The following NCKAP5 variants were observed in gnomAD, a reference collection of about 807,000 sequenced individuals.
NCKAP5 encodes nck-associated protein 5.
NCKAP5 carries 92 observed loss-of-function variants against 167.0 expected under a neutral mutation model. That is an observed-to-expected ratio of 0.55 (90% CI 0.47 to 0.66). NCKAP5 has a LOEUF of 0.66. Ranked by LOEUF, NCKAP5 falls within the 30% of genes least tolerant of loss-of-function variation. The pLI is 0.00. For synonymous variants in NCKAP5, 891 were observed against 877.4 expected (o/e 1.02, Z -0.27); for missense variants, 2,378 against 2,315.0 (o/e 1.03, Z -0.56).
At chr2:133,013,920 A>G (rs1265860138) in intron 6 of NCKAP5, among the ~76,000 whole-genome samples, 3 of 152,070 alleles carry the variant, frequency 2.0e-5, no homozygotes, top group African/African-American at 7.2e-5. Context: ...TCTCTTTCCC[A>G]TCAAAATCCC....
intron 8 of NCKAP5, among the ~76,000 whole-genome samples, chr2:132,895,839 A>C (rs1025358243): frequency 6.6e-6 from 1 of 151,250 alleles, no homozygotes; most frequent in Non-Finnish European, 1.5e-5. Context: ...AAAAACAAAA[A>C]AAAAAACACA....
At chr2:133,257,921 C>T (rs1362522645) in intron 4 of NCKAP5, among the ~76,000 whole-genome samples, 1 of 152,164 alleles carries the variant, frequency 6.6e-6, no homozygotes, top group Non-Finnish European at 1.5e-5. Context: ...ACGCAAAGAA[C>T]CAGATTCCCA....
At chr2:133,526,257 G>A (rs1339331691) in intron 2 of NCKAP5, among the ~76,000 whole-genome samples, 15 of 41,460 alleles carry the variant, frequency 3.6e-4, no homozygotes, top group African/African-American at 1.3e-3. Context: ...AGGAGGGAGG[G>A]AGGGAAGGAG....
intron 19 of NCKAP5, among the ~76,000 whole-genome samples, chr2:132,675,576 C>T (rs1684332302): frequency 6.6e-6 from 1 of 152,082 alleles, no homozygotes; most frequent in Non-Finnish European, 1.5e-5. Context: ...CAGTTTTTAA[C>T]AAGATTACCA....
upstream of NCKAP5, among the ~76,000 whole-genome samples, chr2:133,570,587 C>T (rs1188558385): frequency 6.6e-6 from 1 of 152,200 alleles, no homozygotes; most frequent in Non-Finnish European, 1.5e-5. Context: ...CTCTTAGACT[C>T]TGTCCACCTT....
At chr2:133,200,819 C>T (rs76406128) in intron 5 of NCKAP5, among the ~76,000 whole-genome samples, 128 of 152,166 alleles carry the variant, frequency 8.4e-4, no homozygotes, top group African/African-American at 2.8e-3. Flanking sequence ...TCAAAAGGAA[C>T]GTGGATAAAC....
chr2:132,859,905 A>G (rs1239445923), intron 11 of NCKAP5, among the ~76,000 whole-genome samples: 1 of 152,144 alleles, frequency 6.6e-6, no homozygotes, highest in Non-Finnish European at 1.5e-5. Flanking sequence ...CTTCAAATCG[A>G]CTCAAATGGC....
intron 19 of NCKAP5, among the ~76,000 whole-genome samples, chr2:132,685,369 G>A (rs1046695565): frequency 6.6e-6 from 1 of 152,176 alleles, no homozygotes; most frequent in Non-Finnish European, 1.5e-5. Flanking sequence ...AAACAGAGTG[G>A]CACATGTGTT....
intron 10 of NCKAP5, among the ~76,000 whole-genome samples, chr2:132,863,851 C>T (rs918245168): frequency 2.6e-5 from 4 of 152,164 alleles, no homozygotes; most frequent in Non-Finnish European, 5.9e-5. Flanking sequence ...CAAAAACACC[C>T]ATGTGCCCAT....
chr2:133,092,615 T>C (rs566789910), intron 6 of NCKAP5, among the ~76,000 whole-genome samples: 1 of 152,186 alleles, frequency 6.6e-6, no homozygotes, highest in Non-Finnish European at 1.5e-5. Context: ...CATTTCATTT[T>C]AACATTGATG....
Position 132,784,703 on chromosome 2 carries a change from G to A in NCKAP5, c.2108C>T (p.Ala703Val). 6.2e-7 allele frequency: 1 copy of A among 1,614,032 alleles called. No homozygotes were observed. The highest frequency in any genetic ancestry group is 8.5e-7 in the Non-Finnish European group (1 of 1,179,892). ...RNEISINSTPAGPKAEHTELL... is the reference protein window; with the variant it reads ...RNEISINSTPVGPKAEHTELL... ...CTCAGTATGTTCTGCCTTGGGTCCA[G>A]CAGGAGTTGAATTGATGGAAATCTC... is the stretch of plus-strand genomic sequence containing the variant. The change falls in exon 14 of 20, where the codon GCT (alanine) becomes GTT (valine). Residue 703 changes from alanine (A) to valine (V), a missense_variant. Physicochemically the swap from Ala to Val is moderately conservative, Grantham distance 64 (BLOSUM62 0). Around this residue, in one of 3 missense-constraint regions of NCKAP5, gnomAD observed 1,049 missense variants for 1,023.4 expected, o/e 1.02. Coordinates refer to ENST00000409261, the MANE Select transcript of NCKAP5 (RefSeq NM_207363.3).
chr2:132,914,417 A>C (rs900021564), intron 8 of NCKAP5, among the ~76,000 whole-genome samples: 1 of 152,116 alleles, frequency 6.6e-6, no homozygotes, highest in Non-Finnish European at 1.5e-5. Flanking sequence ...AAATATAAGC[A>C]AGATAGGAGA....
chr2:132,784,419 G>C lies in NCKAP5; in HGVS notation c.2392C>G (p.Gln798Glu). ...SSAPMGIYQK[Q>E]NLTKIPPRGK... ...CTGGGAGGTATTTTTGTCAGATTTT[G>C]CTTTTGATAGATGCCCATGGGTGCC... is the stretch of plus-strand genomic sequence containing the variant. Residue 798 changes from glutamine to glutamate, a missense_variant, in exon 14 of 20, where the codon CAA becomes GAA. By Grantham distance (29) the Gln-to-Glu change is conservative. Transcript: ENST00000409261. 2 of 1,612,846 alleles carry C rather than the reference G, an allele frequency of 1.2e-6. No individual in the cohort carries two copies. Among genetic ancestry groups the C allele is most frequent in the Non-Finnish European group, 1.7e-6 (2 of 1,179,506 alleles).
At chr2:133,219,244 C>G (rs984329577) in intron 4 of NCKAP5, among the ~76,000 whole-genome samples, 1 of 152,154 alleles carries the variant, frequency 6.6e-6, no homozygotes, top group South Asian at 2.1e-4. Flanking sequence ...ATCCCCAACC[C>G]CAGCCCGGCT....
chr2:133,087,291 A>C (rs968026419), intron 6 of NCKAP5, among the ~76,000 whole-genome samples: 12 of 152,202 alleles, frequency 7.9e-5, no homozygotes, highest in African/African-American at 2.9e-4. Flanking sequence ...TACTGGTGAA[A>C]TTTACAAATC....
chr2:133,325,329 T>C (rs1264273891), intron 3 of NCKAP5, among the ~76,000 whole-genome samples: 1 of 152,184 alleles, frequency 6.6e-6, no homozygotes, highest in African/African-American at 2.4e-5. Context: ...GAAAACTAGA[T>C]GACTCCAGCT....
At chr2:133,442,353 C>A (rs1690912489) in intron 3 of NCKAP5, among the ~76,000 whole-genome samples, 1 of 152,190 alleles carries the variant, frequency 6.6e-6, no homozygotes, top group Admixed American at 6.5e-5. Context: ...CACTCCTCCA[C>A]CATCAAAACC....
intron 3 of NCKAP5, among the ~76,000 whole-genome samples, chr2:133,378,517 A>AT (rs1686307513): frequency 6.6e-6 from 1 of 152,170 alleles, no homozygotes; most frequent in Admixed American, 6.5e-5. Flanking sequence ...CTTCCACTGC[A>AT]TGCAAACCTC....
At chr2:132,998,501 A>G (rs2077675101) in intron 6 of NCKAP5, among the ~76,000 whole-genome samples, 1 of 152,200 alleles carries the variant, frequency 6.6e-6, no homozygotes, top group South Asian at 2.1e-4. Context: ...TTGGTAAAAA[A>G]TCAAGTTGTC....
Sources: gnomAD v4.1 joint callset for allele counts (sites outside exome capture counted in the v4.1 genomes callset) on GRCh38, gnomAD v4.1.1 for gene constraint, gnomAD v4.1.1 regional missense constraint, MANE v1.5 for transcripts, NCBI Gene and HGNC (gene_info 2026-07-23, HGNC 2026-07-21) for gene names.